Variants in CNTN3 observed in about 807,000 individuals in gnomAD.
CNTN3 encodes contactin-3.
In CNTN3, 60 loss-of-function variants were observed where a neutral mutation model predicts 119.1. The ratio of observed to expected loss-of-function variants is 0.50; its 90% CI spans 0.41 to 0.62. The LOEUF (loss-of-function observed/expected upper bound fraction) is 0.62, where lower values mean the gene tolerates loss of function less well. Ranked by LOEUF, CNTN3 falls within the 20% of genes least tolerant of loss-of-function variation. The probability of loss-of-function intolerance (pLI) is 0.00; values close to 1 mark genes in which losing one functional copy is unlikely to be tolerated. For synonymous variants in CNTN3, 450 were observed against 438.7 expected, an observed-to-expected ratio of 1.03 and a Z score of -0.32; for missense variants, 1,101 against 1,242.4, an observed-to-expected ratio of 0.89 and a Z score of 1.71.
intron 22 of CNTN3, among the ~76,000 whole-genome samples, chr3:74,265,585 T>C (rs1255592500): frequency 6.6e-6 from 1 of 152,168 alleles, no homozygotes; most frequent in Non-Finnish European, 1.5e-5. Flanking sequence ...TTTCTTAGTG[T>C]AGCTTTGTTT....
chr3:74,462,647 A>T (rs1347955568), intron 4 of CNTN3, among the ~76,000 whole-genome samples: 1 of 152,058 alleles, frequency 6.6e-6, no homozygotes, highest in Non-Finnish European at 1.5e-5. Flanking sequence ...CTTCCTCCAT[A>T]ATATATTGAT....
At position 74,353,212 on chromosome 3, in the gene CNTN3, T is replaced by A. The variant is rs78319176; in HGVS notation, c.1364+8678A>T. ...GATAGTGACAGAGTTTCTAGACACA[T>A]CTTTATCAAAGCGAGGCTGTGGCCA... is the stretch of plus-strand genomic sequence containing the variant. On this transcript the variant is annotated intron_variant, in intron 11 of 22. Coordinates refer to ENST00000263665, the MANE Select transcript of CNTN3 (RefSeq NM_020872.3). Among the ~76,000 whole-genome samples, 16 of 152,304 alleles carry A rather than the reference T, an allele frequency of 1.1e-4. No individual in the cohort carries two copies. The East Asian group carries it at 3.1e-3, about 29-fold the overall frequency.
rs150609398 is a variant in CNTN3 at position 74,359,421 on chromosome 3, T to C, written c.1364+2469A>G. ...GAAACGGAGGTTCAGAGGTATTACA[T>C]AGCTGATCTAATGACACTAAATTTT... On this transcript the variant is annotated intron_variant, in intron 11 of 22. Coordinates refer to ENST00000263665, the MANE Select transcript of CNTN3 (RefSeq NM_020872.3). 1.9e-4 allele frequency among the ~76,000 whole-genome samples: 29 copies of C among 152,292 alleles called. No homozygotes were observed. The East Asian group carries it at 5.2e-3, about 27-fold the overall frequency.
intron 1 of CNTN3, among the ~76,000 whole-genome samples, chr3:74,537,359 C>A (rs1283445830): frequency 6.6e-6 from 1 of 152,114 alleles, no homozygotes; most frequent in Non-Finnish European, 1.5e-5. Flanking sequence ...TGTGGGGGAA[C>A]TATGTAAAAA....
At chr3:74,542,115 T>G (rs1031436690) in intron 1 of CNTN3, among the ~76,000 whole-genome samples, 2 of 152,106 alleles carry the variant, frequency 1.3e-5, no homozygotes, top group African/African-American at 4.8e-5. Flanking sequence ...CCACCTACAG[T>G]CCCAGCTATT....
chr3:74,365,417 T>C, intron 9 of CNTN3, 149 bp downstream of exon 9: 1 of 982,608 alleles, frequency 1.0e-6, no homozygotes, highest in Non-Finnish European at 1.6e-6. Flanking sequence ...TTTTTCCTCC[T>C]GTACCACTGC....
At position 74,379,607 on chromosome 3, in the gene CNTN3, C is replaced by G. The variant is rs145546654; in HGVS notation, c.455-8208G>C. On this transcript the variant is annotated intron_variant, in intron 5 of 22. Coordinates refer to ENST00000263665, the MANE Select transcript of CNTN3 (RefSeq NM_020872.3). ...TTGTATTTTTGCTTGCATTCTGTAT[C>G]CTTTCTTTTTCTCATGAGGAATTAT... Among the ~76,000 whole-genome samples, 79 of 152,216 alleles carry G rather than the reference C, an allele frequency of 5.2e-4. No individual in the cohort carries two copies. The East Asian group carries it at 0.015, about 28-fold the overall frequency.
intron 4 of CNTN3, among the ~76,000 whole-genome samples, chr3:74,468,338 T>C (rs1702500957): frequency 6.6e-6 from 1 of 152,170 alleles, no homozygotes; most frequent in Admixed American, 6.5e-5. Context: ...GGAAGGGAGC[T>C]AGCCAAGGCT....
chr3:74,575,637 A>ACACACACACT (rs1450584986), intron 1 of CNTN3, among the ~76,000 whole-genome samples: 4 of 151,446 alleles, frequency 2.6e-5, no homozygotes, highest in Admixed American at 2.0e-4. Flanking sequence ...ACACACACAC[A>ACACACACACT]CACACAGTTC....
At chr3:74,602,658 G>A (rs1704930694) in intron 1 of CNTN3, among the ~76,000 whole-genome samples, 1 of 151,982 alleles carries the variant, frequency 6.6e-6, no homozygotes, top group South Asian at 2.1e-4. Context: ...TGTAATTTAT[G>A]TACATGTGAC....
rs1410776777 is a variant in CNTN3 at position 74,595,876 on chromosome 3, A to G, written c.-81+18515T>C. ...AGGAGAAGGAAATAAAGGGTATTCA[A>G]TTAGGAAAAGAGGAAGTCAAATTGT... On this transcript the variant is annotated intron_variant, in intron 1 of 22. Transcript: ENST00000263665. 3.3e-5 allele frequency among the ~76,000 whole-genome samples: 5 copies of G among 152,266 alleles called. No individual in the cohort carries two copies. The South Asian group carries it at 8.3e-4, about 25-fold the overall frequency.
chr3:74,529,282 T>G (rs780495257), intron 1 of CNTN3, among the ~76,000 whole-genome samples: 7 of 151,908 alleles, frequency 4.6e-5, no homozygotes, highest in Admixed American at 3.9e-4. Flanking sequence ...TAATGTATCT[T>G]CCACGTTAAA....
chr3:74,310,217 T>C (rs760551314), intron 13 of CNTN3, among the ~76,000 whole-genome samples: 4 of 152,244 alleles, frequency 2.6e-5, no homozygotes, highest in East Asian at 1.9e-4. Flanking sequence ...AAAAAAAACA[T>C]ACTGATATGA....
In CNTN3 at chr3:74,578,989, G is replaced by A. The variant is rs373006698; in HGVS notation, c.-81+35402C>T. On this transcript the variant is annotated intron_variant, in intron 1 of 22. Coordinates refer to ENST00000263665, the MANE Select transcript of CNTN3 (RefSeq NM_020872.3). ...CAAAGACTATCAGGGTGAAAACAAA[G>A]AAGCAACTATATGCTCTTTACAGAA... Among the ~76,000 whole-genome samples the A allele has an allele frequency of 2.2e-4, 34 of 151,960 alleles. No homozygotes were observed. The South Asian group carries it at 7.1e-3, about 32-fold the overall frequency.
intron 20 of CNTN3, among the ~76,000 whole-genome samples, chr3:74,283,828 T>G: frequency 6.6e-6 from 1 of 152,186 alleles, no homozygotes; most frequent in East Asian, 1.9e-4. Flanking sequence ...TGTATCTGTA[T>G]TTCCAAACCC....
chr3:74,475,821 A>T (rs1428478633), intron 4 of CNTN3, among the ~76,000 whole-genome samples: 1 of 152,200 alleles, frequency 6.6e-6, no homozygotes, highest in Non-Finnish European at 1.5e-5. Context: ...AGGTACGTGC[A>T]GAGTGGTGAA....
At chr3:74,385,668 G>A (rs1464392331) in intron 5 of CNTN3, among the ~76,000 whole-genome samples, 3 of 152,156 alleles carry the variant, frequency 2.0e-5, no homozygotes, top group Non-Finnish European at 4.4e-5. Flanking sequence ...AGCTCTGGTT[G>A]CCAACCTGTG....
At chr3:74,552,819 G>C (rs1251639979) in intron 1 of CNTN3, among the ~76,000 whole-genome samples, 3 of 151,780 alleles carry the variant, frequency 2.0e-5, no homozygotes, top group Admixed American at 2.0e-4. Context: ...TCCTTCACAA[G>C]CTCTCTCTCC....
At chr3:74,386,091 A>G (rs928592260) in intron 5 of CNTN3, among the ~76,000 whole-genome samples, 1 of 152,182 alleles carries the variant, frequency 6.6e-6, no homozygotes, top group Non-Finnish European at 1.5e-5. Flanking sequence ...ATATAGTTGG[A>G]AGGATCTGAA....
Sources: gnomAD v4.1 joint callset for allele counts (sites outside exome capture counted in the v4.1 genomes callset) on GRCh38, gnomAD v4.1.1 for gene constraint, MANE v1.5 for transcripts, NCBI Gene and HGNC (gene_info 2026-07-23, HGNC 2026-07-21) for gene names.